AP3D1: variants seen among roughly 807,000 people sequenced by gnomAD.
AP3D1 encodes adaptor related protein complex 3 subunit delta 1.
AP3D1 carries 51 observed loss-of-function variants against 147.6 expected under a neutral mutation model. That is an observed-to-expected ratio of 0.35 (90% confidence interval 0.28 to 0.44). The LOEUF is 0.44. Among genes scored for constraint, AP3D1 ranks in the 20% least tolerant of loss-of-function variants. The probability of loss-of-function intolerance (pLI) is 1.00; values close to 1 mark genes in which losing one functional copy is unlikely to be tolerated. For missense variants in AP3D1, 1,421 were observed against 1,624.2 expected (o/e 0.87, Z 2.15); for synonymous variants, 760 against 663.0 (o/e 1.15, Z -2.25).
chr19:2,126,235 C>T (rs918162658), intron 9 of AP3D1, among the ~76,000 whole-genome samples: 2 of 152,210 alleles, frequency 1.3e-5, no homozygotes, highest in Admixed American at 6.5e-5. Flanking sequence ...TAAGGAAGTC[C>T]ACCGCCCAAT....
intron 6 of AP3D1, 149 bp downstream of exon 6, chr19:2,130,259 G>C: frequency 7.9e-7 from 1 of 1,261,166 alleles, no homozygotes; most frequent in East Asian, 2.6e-5. Flanking sequence ...CCCCAGCAAG[G>C]GGAGGCCCAG....
At chr19:2,102,451 G>A (rs902624535) in intron 31 of AP3D1, among the ~76,000 whole-genome samples, 183 bp from the exon 32 acceptor site, 2 of 152,036 alleles carry the variant, frequency 1.3e-5, no homozygotes, top group East Asian at 1.9e-4. Context: ...AAAAATGGCC[G>A]GGTGCGGTGG....
intron 23 of AP3D1, 126 bp from the exon 24 acceptor site, chr19:2,113,093 C>T (rs2018332938): frequency 1.5e-6 from 1 of 689,030 alleles, no homozygotes. Context: ...GCCACAGTGC[C>T]CTCCGAGTGA....
rs1172872480 is a variant in AP3D1, at chr19:2,112,862, T to C, written c.2785A>G (p.Lys929Glu). ...EDDAEGQDQD[K>E]KSPKPKKKKH... ...CCCTGGGGGAGTGACAGCCTCACCT[T>C]GTCCTGGTCTTGCCCCTCGGCATCG... Residue 929 changes from lysine to glutamate, a missense_variant and splice_region_variant, in exon 24 of 32, where the codon AAG becomes GAG. Lys to Glu is a moderately conservative substitution (Grantham distance 56). Transcript: ENST00000643116. 3 of 1,609,662 alleles carry C rather than the reference T, an allele frequency of 1.9e-6. No individual in the cohort carries two copies. The highest frequency in any genetic ancestry group is 1.3e-5 in the African/African-American group (1 of 74,826).
At chr19:2,113,212 C>T in intron 23 of AP3D1, 124 bp downstream of exon 23, 2 of 655,480 alleles carry the variant, frequency 3.1e-6, no homozygotes, top group East Asian at 2.8e-5. Flanking sequence ...GTGCTGGGTC[C>T]CACAGGTGCA....
intron 15 of AP3D1, among the ~76,000 whole-genome samples, chr19:2,118,107 C>T (rs1185987352): frequency 6.6e-6 from 1 of 152,174 alleles, no homozygotes; most frequent in Non-Finnish European, 1.5e-5. Context: ...TTGTCATGAG[C>T]TGAGATCGCA....
intron 31 of AP3D1, among the ~76,000 whole-genome samples, chr19:2,105,141 T>C (rs2018074664): frequency 6.6e-6 from 1 of 152,172 alleles, no homozygotes; most frequent in Admixed American, 6.5e-5. Flanking sequence ...GGCAGACTGG[T>C]GAGCTTGGCA....
In AP3D1 at chr19:2,102,157, G is replaced by T. The variant is rs1285200790; in HGVS notation, c.*16C>A. On this transcript the variant is annotated 3_prime_UTR_variant, in exon 32 of 32. Coordinates refer to ENST00000643116, the MANE Select transcript of AP3D1 (RefSeq NM_001261826.3). ...GTACGTGCTCCGCGGGGTGGTGCGG[G>T]GCTCGCAGGCAGCTCTCAACACTTG... The T allele has an allele frequency of 1.2e-6, 2 of 1,605,740 alleles. No individual in the cohort carries two copies. Among genetic ancestry groups the T allele is most frequent in the Non-Finnish European group, 1.7e-6 (2 of 1,173,432 alleles).
intron 31 of AP3D1, among the ~76,000 whole-genome samples, chr19:2,104,790 C>A (rs957592543): frequency 2.6e-5 from 4 of 151,926 alleles, no homozygotes; most frequent in Admixed American, 1.3e-4. Flanking sequence ...CCCCAGCCTC[C>A]CAAGTAGCAG....
upstream of AP3D1, among the ~76,000 whole-genome samples, chr19:2,156,067 A>G (rs1201486676): frequency 2.0e-5 from 3 of 148,344 alleles, no homozygotes; most frequent in Admixed American, 6.7e-5. Flanking sequence ...AAAAAAAAAA[A>G]GAAAAAAGAA....
chr19:2,136,187 A>T (rs959654209), intron 4 of AP3D1, among the ~76,000 whole-genome samples: 6 of 152,242 alleles, frequency 3.9e-5, no homozygotes, highest in African/African-American at 4.8e-5. Context: ...AACCTTGCCC[A>T]CAACGGTGAG....
At chr19:2,111,927 G>C (rs1016664349) in intron 24 of AP3D1, 99 bp from the exon 25 acceptor site, 16 of 1,567,992 alleles carry the variant, frequency 1.0e-5, no homozygotes, top group Non-Finnish European at 1.2e-5. Flanking sequence ...TCAGGCTGAG[G>C]GTCCCACGTG....
intron 6 of AP3D1, among the ~76,000 whole-genome samples, 197 bp from the exon 7 acceptor site, chr19:2,129,654 G>A (rs1171696762): frequency 6.6e-6 from 1 of 152,238 alleles, no homozygotes; most frequent in Non-Finnish European, 1.5e-5. Flanking sequence ...ACAGCAGCCA[G>A]CTCCTGGCGC....
intron 1 of AP3D1, among the ~76,000 whole-genome samples, chr19:2,163,012 C>T (rs1011245408): frequency 6.6e-6 from 1 of 152,082 alleles, no homozygotes; most frequent in Non-Finnish European, 1.5e-5. Context: ...CTTGTTCATC[C>T]CTGGGCATAG....
intron 4 of AP3D1, 33 bp downstream of exon 4, chr19:2,136,978 A>G (rs2145135032): frequency 6.5e-7 from 1 of 1,549,824 alleles, no homozygotes; most frequent in Middle Eastern, 1.7e-4. Flanking sequence ...GACTGCACTC[A>G]GCACAGAGCG....
At chr19:2,134,724 C>T (rs1326466885) in intron 4 of AP3D1, among the ~76,000 whole-genome samples, 1 of 151,738 alleles carries the variant, frequency 6.6e-6, no homozygotes, top group Non-Finnish European at 1.5e-5. Context: ...GCCTCAGCCT[C>T]CTGAGTAGCT....
chr19:2,147,711 T>C (rs925669969), intron 1 of AP3D1, among the ~76,000 whole-genome samples: 1 of 142,816 alleles, frequency 7.0e-6, no homozygotes, highest in Non-Finnish European at 1.5e-5. Flanking sequence ...CTGGCCAACA[T>C]GGGGAAACCC....
chr19:2,151,157 C>G, intron 1 of AP3D1, 82 bp downstream of exon 1: 1 of 1,329,700 alleles, frequency 7.5e-7, no homozygotes, highest in South Asian at 1.3e-5. Flanking sequence ...GGGCGGCAGG[C>G]CGAGCAGGCC....
At chr19:2,126,041 T>C (rs1383683080) in intron 9 of AP3D1, among the ~76,000 whole-genome samples, 3 of 151,860 alleles carry the variant, frequency 2.0e-5, no homozygotes, top group South Asian at 2.1e-4. Context: ...GCAAGAGGAC[T>C]GCTTAAGCCC....
Sources: gnomAD v4.1 joint callset for allele counts (sites outside exome capture counted in the v4.1 genomes callset) on GRCh38, gnomAD v4.1.1 for gene constraint, MANE v1.5 for transcripts, NCBI Gene and HGNC (gene_info 2026-07-23, HGNC 2026-07-21) for gene names.